The following QTMAN variants were observed in gnomAD, a reference collection of about 807,000 sequenced individuals.
The protein encoded by QTMAN is tRNA-queuosine alpha-mannosyltransferase.
chr2:144,098,095 G>A, the QTMAN span, among the ~76,000 whole-genome samples: 1 of 152,196 alleles, frequency 6.6e-6, no homozygotes, highest in African/African-American at 2.4e-5. Flanking sequence ...GAGGTGCTAT[G>A]TAAGCTTCTC....
chr2:144,139,602 A>G, the QTMAN span, among the ~76,000 whole-genome samples: 1 of 152,052 alleles, frequency 6.6e-6, no homozygotes, highest in East Asian at 1.9e-4. Flanking sequence ...TATTCAATAC[A>G]TATAATGAAA....
chr2:144,148,338 C>T, the QTMAN span, among the ~76,000 whole-genome samples: 3 of 151,698 alleles, frequency 2.0e-5, no homozygotes, highest in Admixed American at 6.6e-5. Context: ...TGTGCAAACA[C>T]ATTAACAGTT....
At chr2:144,132,156 G>A in the QTMAN span, among the ~76,000 whole-genome samples, 5 of 151,836 alleles carry the variant, frequency 3.3e-5, no homozygotes, top group South Asian at 1.0e-3. Flanking sequence ...AGAATATCTT[G>A]TATTTAGCAC....
the QTMAN span, among the ~76,000 whole-genome samples, chr2:144,125,670 C>T: frequency 1.3e-5 from 2 of 152,130 alleles, no homozygotes; most frequent in South Asian, 2.1e-4. Context: ...ACATACAGTA[C>T]AACTGCTTAT....
chr2:144,122,959 T>TGGACACACAC, the QTMAN span, among the ~76,000 whole-genome samples: 1 of 152,106 alleles, frequency 6.6e-6, no homozygotes, highest in African/African-American at 2.4e-5. Context: ...TGCAGACACA[T>TGGACACACAC]GGACACACAC....
the QTMAN span, among the ~76,000 whole-genome samples, chr2:143,988,015 G>C: frequency 1.3e-5 from 2 of 152,226 alleles, no homozygotes; most frequent in Non-Finnish European, 2.9e-5. Context: ...TGATGGAAGA[G>C]TGACCATGGC....
chr2:144,200,505 T>C, the QTMAN span, among the ~76,000 whole-genome samples: 1 of 152,186 alleles, frequency 6.6e-6, no homozygotes, highest in Non-Finnish European at 1.5e-5. Flanking sequence ...ACACGAACAA[T>C]AACAATAGCT....
chr2:143,941,794 G>A, the QTMAN span: 1 of 152,242 alleles, frequency 6.6e-6, no homozygotes, highest in Non-Finnish European at 1.5e-5. Context: ...CTGCCAGCTG[G>A]AGAAATAGAA....
chr2:144,024,024 A>G, the QTMAN span, among the ~76,000 whole-genome samples: 1 of 152,262 alleles, frequency 6.6e-6, no homozygotes, highest in East Asian at 1.9e-4. Flanking sequence ...TCATAGTGTC[A>G]AAAGCCAGAT....
chr2:144,211,969 T>C, the QTMAN span, among the ~76,000 whole-genome samples: 1 of 152,160 alleles, frequency 6.6e-6, no homozygotes, highest in Non-Finnish European at 1.5e-5. Flanking sequence ...GCAGCAGTAA[T>C]AGGGCCTCAC....
chr2:144,172,621 C>CAAAAAA, the QTMAN span, among the ~76,000 whole-genome samples: 4 of 51,338 alleles, frequency 7.8e-5, no homozygotes, highest in Non-Finnish European at 1.4e-4. Flanking sequence ...AAGACTCTGT[C>CAAAAAA]AAAAAAAAAA....
the QTMAN span, among the ~76,000 whole-genome samples, chr2:144,228,685 G>A: frequency 3.5e-3 from 528 of 152,312 alleles, 2 homozygotes; most frequent in African/African-American, 0.012. Flanking sequence ...AAGGCCAGGC[G>A]CAGTGGCTCA....
the QTMAN span, among the ~76,000 whole-genome samples, chr2:144,110,319 C>T: frequency 6.6e-6 from 1 of 152,172 alleles, no homozygotes; most frequent in South Asian, 2.1e-4. Flanking sequence ...CATGTTCTCA[C>T]TCATAGGTGG....
the QTMAN span, chr2:143,970,615 T>C: frequency 7.7e-5 from 77 of 996,548 alleles, 1 homozygote; most frequent in South Asian, 9.2e-4. Context: ...GCTTATGTCA[T>C]CTATAAAAAT....
the QTMAN span, among the ~76,000 whole-genome samples, chr2:144,005,330 G>C: frequency 6.6e-6 from 1 of 151,980 alleles, no homozygotes; most frequent in African/African-American, 2.4e-5. Context: ...TAAATTTTTA[G>C]TGTGTGATAA....
At chr2:144,100,773 C>G in the QTMAN span, among the ~76,000 whole-genome samples, 1 of 150,296 alleles carries the variant, frequency 6.7e-6, no homozygotes, top group Non-Finnish European at 1.5e-5. Context: ...TGCTTAATGT[C>G]TCATCTATTC....
At chr2:143,957,264 T>C in the QTMAN span, 17 of 1,612,882 alleles carry the variant, frequency 1.1e-5, no homozygotes, top group African/African-American at 8.0e-5. Context: ...TACTTGGAAA[T>C]AGTCATCTTT....
chr2:143,963,033 C>G, the QTMAN span, among the ~76,000 whole-genome samples: 1 of 151,994 alleles, frequency 6.6e-6, no homozygotes, highest in African/African-American at 2.4e-5. Context: ...GAGTTTTCCC[C>G]CCTAAAATTT....
chr2:144,257,282 T>G, the QTMAN span, among the ~76,000 whole-genome samples: 1 of 152,126 alleles, frequency 6.6e-6, no homozygotes, highest in South Asian at 2.1e-4. Context: ...TCCCTAAAAT[T>G]TGAATGGTTC....
Sources: gnomAD v4.1 joint callset for allele counts (sites outside exome capture counted in the v4.1 genomes callset) on GRCh38, gnomAD v4.1.1 for gene constraint, MANE v1.5 for transcripts, NCBI Gene and HGNC (gene_info 2026-07-23, HGNC 2026-07-21) for gene names.